The following DAB1 variants were observed in gnomAD, a reference collection of about 807,000 sequenced individuals.
DAB1 encodes DAB adaptor protein 1, also known as disabled homolog 1.
Under a neutral mutation model 64.6 loss-of-function variants are expected in DAB1, and 15 were observed. The observed-to-expected ratio is 0.23, with a 90% CI of 0.16 to 0.36. The LOEUF is 0.36. DAB1 is among the 10% of genes least tolerant of loss of function. The probability of loss-of-function intolerance (pLI) is 1.00; values close to 1 mark genes in which losing one functional copy is unlikely to be tolerated. For missense variants in DAB1, 596 were observed against 706.7 expected (o/e 0.84, Z 1.78); for synonymous variants, 235 against 251.9 (o/e 0.93, Z 0.64).
chr1:57,504,367 T>C (rs1293788472), intron 7 of DAB1, among the ~76,000 whole-genome samples: 1 of 151,972 alleles, frequency 6.6e-6, no homozygotes, highest in Non-Finnish European at 1.5e-5. Flanking sequence ...CAAAGCAAAG[T>C]AAAACACACA....
chr1:58,499,476 C>CGA (rs1184618214), intron 3 of DAB1, among the ~76,000 whole-genome samples: 24 of 45,344 alleles, frequency 5.3e-4, no homozygotes, highest in East Asian at 1.1e-3. Context: ...CAAAGCCAGA[C>CGA]TATAGATAGA....
At chr1:57,988,846 G>A (rs1417766795) in intron 5 of DAB1, among the ~76,000 whole-genome samples, 1 of 152,136 alleles carries the variant, frequency 6.6e-6, no homozygotes, top group Non-Finnish European at 1.5e-5. Context: ...CAAATCAGCA[G>A]GCATTCCCAA....
At chr1:58,346,102 G>A (rs1643994662) in intron 3 of DAB1, among the ~76,000 whole-genome samples, 1 of 152,188 alleles carries the variant, frequency 6.6e-6, no homozygotes, top group African/African-American at 2.4e-5. Context: ...AGGTGAAACG[G>A]AAAACATTTT....
chr1:58,102,431 C>A (rs1024988551), intron 5 of DAB1, among the ~76,000 whole-genome samples: 1 of 152,182 alleles, frequency 6.6e-6, no homozygotes, highest in African/African-American at 2.4e-5. Context: ...AATGGAGACA[C>A]CAAGAACCAA....
intron 4 of DAB1, among the ~76,000 whole-genome samples, chr1:57,079,054 T>C (rs1351981935): frequency 6.6e-6 from 1 of 152,078 alleles, no homozygotes; most frequent in Non-Finnish European, 1.5e-5. Context: ...ATTCACAACA[T>C]CCTGTTGAGT....
At chr1:57,108,529 T>C (rs1485815216) in intron 4 of DAB1, among the ~76,000 whole-genome samples, 3 of 152,198 alleles carry the variant, frequency 2.0e-5, no homozygotes, top group African/African-American at 2.4e-5. Context: ...CATTACTCTT[T>C]TAGCTATTTA....
chr1:57,702,257 T>C (rs1646916328), intron 6 of DAB1, among the ~76,000 whole-genome samples: 1 of 152,176 alleles, frequency 6.6e-6, no homozygotes, highest in South Asian at 2.1e-4. Context: ...GGGATAATGC[T>C]GGTGATTACT....
intron 1 of DAB1, chr1:57,860,700 C>G (rs926381202): frequency 1.1e-4 from 16 of 152,190 alleles, no homozygotes; most frequent in African/African-American, 3.9e-4. Context: ...AAGGGGCCAA[C>G]AGCTTTGCAA....
chr1:57,370,594 C>A lies in DAB1; in HGVS notation c.-137+53336G>T, dbSNP rs573548182. On this transcript the variant is annotated intron_variant, in intron 1 of 14. Transcript: ENST00000371236. Reference sequence around the variant, plus strand: ...AGAGAAAGAAAGGGAAAATGAGAAACAGATTTAAAAGACAAACAGAGAAAA... The same window carrying A: ...AGAGAAAGAAAGGGAAAATGAGAAAAAGATTTAAAAGACAAACAGAGAAAA... Among the ~76,000 whole-genome samples the A allele has an allele frequency of 1.9e-4, 27 of 143,552 alleles. No individual in the cohort carries two copies. In the South Asian group the frequency reaches 6.0e-3, roughly 32 times the overall value. The allele number at this position is 143,552 out of a possible 152,430, so 94.2% of individuals were successfully genotyped here. A position where few individuals can be genotyped will look rare whatever the true frequency, so the allele number is the denominator to read the frequency against.
At chr1:57,726,166 A>AGAAAAT (rs1236988858) in intron 6 of DAB1, among the ~76,000 whole-genome samples, 2 of 152,220 alleles carry the variant, frequency 1.3e-5, no homozygotes, top group Non-Finnish European at 2.9e-5. Flanking sequence ...GACTTAGGGG[A>AGAAAAT]GAAAATAGAA....
At chr1:58,259,900 G>A (rs766836833) in intron 4 of DAB1, among the ~76,000 whole-genome samples, 7 of 152,126 alleles carry the variant, frequency 4.6e-5, no homozygotes, top group African/African-American at 4.8e-5. Context: ...TCTTACTAAG[G>A]ACCAAGCATT....
intron 6 of DAB1, among the ~76,000 whole-genome samples, chr1:57,650,139 T>A (rs1283603752): frequency 2.6e-5 from 4 of 152,208 alleles, no homozygotes; most frequent in Non-Finnish European, 5.9e-5. Flanking sequence ...TCCTTCTTCT[T>A]CGTCTTCTTT....
At chr1:58,023,150 G>C (rs939639652) in intron 5 of DAB1, among the ~76,000 whole-genome samples, 2 of 151,494 alleles carry the variant, frequency 1.3e-5, no homozygotes, top group Non-Finnish European at 2.9e-5. Flanking sequence ...CGTGCTCTAA[G>C]ATGCAGCTCA....
chr1:57,364,481 G>A lies in DAB1; in HGVS notation c.-137+59449C>T, dbSNP rs556137932. On this transcript the variant is annotated intron_variant, in intron 1 of 14. Coordinates refer to ENST00000371236, the MANE Select transcript of DAB1 (RefSeq NM_001365792.1). ...AATCACCCTGCTCTGCACGCAGGCA[G>A]AGGAAAGATATCAGATTAAATGATC... Among the ~76,000 whole-genome samples, 43 of 152,258 alleles carry A rather than the reference G, an allele frequency of 2.8e-4. No homozygotes were observed. The Middle Eastern group carries it at 0.017, about 60-fold the overall frequency.
rs1261769226 is a variant in DAB1, at chr1:57,255,539, A to C, written c.67+35425T>G. 2.6e-5 allele frequency among the ~76,000 whole-genome samples: 4 copies of C among 152,110 alleles called. No homozygotes were observed. The East Asian group carries it at 7.7e-4, about 29-fold the overall frequency. ...GCTGGATGTGGTGATGCATGGCTAT[A>C]ATTCCAGCTATTTGGGAGGCTGAGG... is the stretch of plus-strand genomic sequence containing the variant. On this transcript the variant is annotated intron_variant, in intron 2 of 14. Transcript: ENST00000371236.
At chr1:57,659,298 G>T (rs184973227) in intron 6 of DAB1, among the ~76,000 whole-genome samples, 318 of 152,212 alleles carry the variant, frequency 2.1e-3, no homozygotes, top group Middle Eastern at 3.4e-3. Context: ...TCATTTGAGA[G>T]ATCAAATACA....
At chr1:57,346,686 T>A (rs952845084) in intron 1 of DAB1, among the ~76,000 whole-genome samples, 1 of 152,220 alleles carries the variant, frequency 6.6e-6, no homozygotes, top group East Asian at 1.9e-4. Context: ...GTCTAGAGTA[T>A]AGAAGCTCCT....
intron 3 of DAB1, among the ~76,000 whole-genome samples, chr1:58,406,121 T>C (rs1644613597): frequency 6.6e-6 from 1 of 152,164 alleles, no homozygotes. Flanking sequence ...TGTGGCAGAA[T>C]AGGCCAGCAA....
At chr1:57,091,380 T>A (rs558131) in intron 4 of DAB1, among the ~76,000 whole-genome samples, 116,374 of 152,148 alleles carry the variant, frequency 0.76, 44,764 homozygotes, top group East Asian at 0.93. Context: ...TTGGAATCTA[T>A]CAGTTAACAA....
Sources: gnomAD v4.1 joint callset for allele counts (sites outside exome capture counted in the v4.1 genomes callset) on GRCh38, gnomAD v4.1.1 for gene constraint, MANE v1.5 for transcripts, NCBI Gene and HGNC (gene_info 2026-07-23, HGNC 2026-07-21) for gene names.